TENM1: variants seen among roughly 807,000 people sequenced by gnomAD.
TENM1 encodes the protein teneurin-1.
Under a neutral mutation model 174.8 loss-of-function variants are expected in TENM1, and 35 were observed. The ratio of observed to expected loss-of-function variants is 0.20; its 90% CI spans 0.15 to 0.27. The LOEUF (loss-of-function observed/expected upper bound fraction) is 0.27, where lower values mean the gene tolerates loss of function less well. TENM1 is among the 10% of genes least tolerant of loss of function. The probability of loss-of-function intolerance (pLI) is 1.00; values close to 1 mark genes in which losing one functional copy is unlikely to be tolerated. For missense variants in TENM1, 1,633 were observed against 2,130.1 expected (o/e 0.77, Z 4.59); for synonymous variants, 781 against 798.7 (o/e 0.98, Z 0.37).
In TENM1 at chrX:124,559,366, T is replaced by C. The variant is rs6649254; in HGVS notation, c.2434+2305A>G. 4.7e-4 allele frequency among the ~76,000 whole-genome samples: 53 copies of C among 111,767 alleles called. 1 individual carries two copies. The East Asian group carries it at 0.014, about 30-fold the overall frequency. ...TGTCTCAGTTTCCTAATTTGTAAAG[T>C]AGTGTTAATGGTAGTTCCTGGCCAG... On this transcript the variant is annotated intron_variant, in intron 14 of 31. Transcript: ENST00000422452.
chrX:124,855,569 A>C (rs1176013347), intron 3 of TENM1, among the ~76,000 whole-genome samples: 1 of 111,523 alleles, frequency 9.0e-6, no homozygotes, highest in Non-Finnish European at 1.9e-5. Context: ...GAAAGGTTCT[A>C]CTACTTTCAC....
At chrX:124,814,709 C>T (rs181277247) in intron 3 of TENM1, among the ~76,000 whole-genome samples, 37 of 111,383 alleles carry the variant, frequency 3.3e-4, no homozygotes, top group African/African-American at 1.1e-3. Flanking sequence ...ATTTATATTT[C>T]CACTTTCCTG....
chrX:124,717,403 G>T (rs2053211604), intron 4 of TENM1, among the ~76,000 whole-genome samples: 2 of 111,670 alleles, frequency 1.8e-5, no homozygotes, highest in African/African-American at 6.5e-5. Flanking sequence ...TTCTCACTCA[G>T]AAATCTAGAC....
rs185698045 is a variant in TENM1 at position 124,570,811 on chromosome X, C to T, written c.2078-5251G>A. On this transcript the variant is annotated intron_variant, in intron 11 of 31. Coordinates refer to ENST00000422452, the Ensembl canonical transcript of TENM1. ...TAGCTACAACACCCCATAGCAAACACCATAATAGTGAGATGTTAAAATCTT... is the reference window on the plus strand; with the variant it reads ...TAGCTACAACACCCCATAGCAAACATCATAATAGTGAGATGTTAAAATCTT... Among the ~76,000 whole-genome samples, 5 of 111,376 alleles carry T rather than the reference C, an allele frequency of 4.5e-5. No individual in the cohort carries two copies. The East Asian group carries it at 1.4e-3, about 31-fold the overall frequency.
intron 28 of TENM1, among the ~76,000 whole-genome samples, chrX:124,391,524 A>G (rs774338648): frequency 3.6e-5 from 4 of 111,019 alleles, no homozygotes; most frequent in Non-Finnish European, 5.7e-5. Flanking sequence ...GCTACTGGAG[A>G]CTCAGTGTAC....
At chrX:124,391,574 C>G (rs1404615252) in intron 28 of TENM1, among the ~76,000 whole-genome samples, 2 of 111,598 alleles carry the variant, frequency 1.8e-5, no homozygotes, top group Non-Finnish European at 3.8e-5. Flanking sequence ...TACCACCATT[C>G]CCGCAGGCTG....
chrX:124,823,375 C>T (rs1222758305), intron 3 of TENM1, among the ~76,000 whole-genome samples: 1 of 111,654 alleles, frequency 9.0e-6, no homozygotes, highest in Admixed American at 9.5e-5. Flanking sequence ...AATATACTGA[C>T]AAATTTGCAC....
At chrX:124,778,831 T>G (rs1345995878) in intron 3 of TENM1, among the ~76,000 whole-genome samples, 2 of 112,366 alleles carry the variant, frequency 1.8e-5, no homozygotes, top group African/African-American at 6.5e-5. Flanking sequence ...ATCTGTATGG[T>G]TTACTGCTTT....
Position 124,451,184 on chromosome X carries a change from T to G in TENM1, c.4104+2153A>C, listed in dbSNP as rs184460454. Among the ~76,000 whole-genome samples the G allele has an allele frequency of 1.6e-4, 18 of 111,193 alleles. No individual in the cohort carries two copies. In the East Asian group the frequency reaches 5.1e-3, roughly 31 times the overall value. On this transcript the variant is annotated intron_variant, in intron 23 of 31. Transcript: ENST00000422452. Reference sequence around the variant, plus strand: ...CTATGCTGTATGCTCTATAATCTCTTTAAATGTCTAATACTGATTTTGTAG... The same window carrying G: ...CTATGCTGTATGCTCTATAATCTCTGTAAATGTCTAATACTGATTTTGTAG...
At chrX:124,864,762 T>C (rs1213289719) in intron 3 of TENM1, among the ~76,000 whole-genome samples, 3 of 110,007 alleles carry the variant, frequency 2.7e-5, no homozygotes, top group Admixed American at 9.7e-5. Context: ...AAGAAGATTA[T>C]AGAACACCAA....
chrX:124,792,676 A>C (rs1361106587), intron 3 of TENM1, among the ~76,000 whole-genome samples: 1 of 112,645 alleles, frequency 8.9e-6, no homozygotes, highest in Non-Finnish European at 1.9e-5. Flanking sequence ...AGCCATGAGA[A>C]AAAAAGTATC....
intron 3 of TENM1, among the ~76,000 whole-genome samples, chrX:124,832,670 G>A (rs1004123786): frequency 8.9e-6 from 1 of 112,086 alleles, no homozygotes; most frequent in Non-Finnish European, 1.9e-5. Flanking sequence ...TACCTCCCGG[G>A]CTCAAGCGAT....
intron 3 of TENM1, among the ~76,000 whole-genome samples, chrX:124,864,129 A>ATTCC (rs1293527839): frequency 8.9e-6 from 1 of 112,238 alleles, no homozygotes; most frequent in Non-Finnish European, 1.9e-5. Context: ...AAGGTTGGCT[A>ATTCC]CAAATAAACC....
intron 11 of TENM1, among the ~76,000 whole-genome samples, chrX:124,610,310 C>T (rs185695596): frequency 4.2e-4 from 47 of 112,065 alleles, no homozygotes; most frequent in African/African-American, 1.4e-3. Context: ...CCATGCAATA[C>T]GTATTTATAC....
At chrX:124,497,292 A>ATTTTT in intron 19 of TENM1, 27 bp from the exon 23 acceptor site, 1 of 1,177,761 alleles carries the variant, frequency 8.5e-7, no homozygotes, top group Non-Finnish European at 1.1e-6. Flanking sequence ...CAAAAAGAGA[A>ATTTTT]TTTAAGAAAA....
chrX:124,493,596 C>T (rs2047119017), intron 20 of TENM1, among the ~76,000 whole-genome samples: 1 of 111,036 alleles, frequency 9.0e-6, no homozygotes, highest in African/African-American at 3.3e-5. Flanking sequence ...TCAGCGCTCC[C>T]ATCTATATTT....
intron 3 of TENM1, among the ~76,000 whole-genome samples, chrX:124,768,692 G>A (rs2054584886): frequency 8.9e-6 from 1 of 112,216 alleles, no homozygotes; most frequent in African/African-American, 3.2e-5. Context: ...ATCTTTCACG[G>A]CAATCTAATT....
chrX:125,184,659 C>CT, the TENM1 span, among the ~76,000 whole-genome samples: 3 of 111,587 alleles, frequency 2.7e-5, no homozygotes, highest in Admixed American at 2.9e-4. Context: ...TTGCAGATTT[C>CT]TTTTTTACAT....
intron 3 of TENM1, among the ~76,000 whole-genome samples, chrX:124,809,211 C>T (rs527292386): frequency 2.7e-5 from 3 of 111,486 alleles, no homozygotes; most frequent in African/African-American, 6.5e-5. Flanking sequence ...GAAACGGATA[C>T]ACTTTTTGAT....
Sources: allele counts gnomAD v4.1 joint callset (sites outside exome capture counted in the v4.1 genomes callset), GRCh38; gene constraint gnomAD v4.1.1; transcripts MANE v1.5; gene names NCBI Gene and HGNC (gene_info 2026-07-23, HGNC 2026-07-21).